SIPA1L2: variants seen among roughly 807,000 people sequenced by gnomAD.
SIPA1L2 encodes signal induced proliferation associated 1 like 2, also known as signal-induced proliferation-associated 1-like protein 2.
In SIPA1L2, 56 loss-of-function variants were observed where a neutral mutation model predicts 163.9. The observed-to-expected ratio is 0.34, with a 90% CI of 0.28 to 0.43. SIPA1L2 has a LOEUF of 0.43. Among genes scored for constraint, SIPA1L2 ranks in the 20% least tolerant of loss-of-function variants. The probability of loss-of-function intolerance (pLI) is 1.00; values close to 1 mark genes in which losing one functional copy is unlikely to be tolerated. For missense variants in SIPA1L2, 1,974 were observed against 2,193.5 expected, an observed-to-expected ratio of 0.90 and a Z score of 2.00; for synonymous variants, 877 against 865.7, an observed-to-expected ratio of 1.01 and a Z score of -0.23.
intron 19 of SIPA1L2, 122 bp from the exon 20 acceptor site, chr1:232,404,300 C>T (rs1660520013): frequency 2.6e-6 from 2 of 754,876 alleles, no homozygotes; most frequent in Non-Finnish European, 4.5e-6. Flanking sequence ...AGGGGAAACC[C>T]TTGAGAGCCA....
chr1:232,630,120 C>T lies in SIPA1L2; in HGVS notation c.-570G>A, dbSNP rs1245449365. On this transcript the variant is annotated 5_prime_UTR_variant, in exon 1 of 23. Coordinates refer to ENST00000674635, the MANE Select transcript of SIPA1L2 (RefSeq NM_020808.5). ...CTCCTCTCGCTCCGCCAGCTCCTCCCGGGCTCCCAGTCTGCCGCGCCGGCT... is the reference window on the plus strand; with the variant it reads ...CTCCTCTCGCTCCGCCAGCTCCTCCTGGGCTCCCAGTCTGCCGCGCCGGCT... 6.6e-6 allele frequency among the ~76,000 whole-genome samples: 1 copy of T among 151,280 alleles called. No homozygotes were observed. The highest frequency in any genetic ancestry group is 1.5e-5 in the Non-Finnish European group (1 of 67,706).
rs560257968 is a variant in SIPA1L2 at position 232,454,961 on chromosome 1, G to A, written c.3095+5926C>T. The stretch of plus-strand genomic sequence containing the variant: ...AAGTCAGATTACATCTGTCCCATCC[G>A]TTTTAACAGCCCCAGTGCTCAGCAC... On this transcript the variant is annotated intron_variant, in intron 10 of 22. Coordinates refer to ENST00000674635, the MANE Select transcript of SIPA1L2 (RefSeq NM_020808.5). Among the ~76,000 whole-genome samples, 4 of 152,322 alleles carry A rather than the reference G, an allele frequency of 2.6e-5. No homozygotes were observed. In the South Asian group the frequency reaches 8.3e-4, roughly 32 times the overall value.
chr1:232,476,409 G>A (rs1665050137), intron 7 of SIPA1L2, among the ~76,000 whole-genome samples: 1 of 152,182 alleles, frequency 6.6e-6, no homozygotes, highest in African/African-American at 2.4e-5. Flanking sequence ...TGTGTGCCAG[G>A]CACTGAGGCA....
intron 3 of SIPA1L2, among the ~76,000 whole-genome samples, chr1:232,513,327 A>G (rs760779296): frequency 2.0e-5 from 3 of 152,260 alleles, no homozygotes; most frequent in Non-Finnish European, 2.9e-5. Context: ...AAGCCCATCT[A>G]TAGAACTACA....
chr1:232,469,052 G>T (rs1413278310), intron 8 of SIPA1L2, among the ~76,000 whole-genome samples: 1 of 152,126 alleles, frequency 6.6e-6, no homozygotes, highest in Non-Finnish European at 1.5e-5. Context: ...GTGGGAGTGT[G>T]GTCTTCTGCT....
At chr1:232,572,415 A>G (rs893473656) in intron 2 of SIPA1L2, among the ~76,000 whole-genome samples, 2 of 152,074 alleles carry the variant, frequency 1.3e-5, no homozygotes, top group Non-Finnish European at 2.9e-5. Flanking sequence ...ACTCAGTCTC[A>G]ACGGTTTTCA....
intron 9 of SIPA1L2, chr1:232,462,554 G>A: frequency 2.7e-6 from 1 of 365,906 alleles, no homozygotes; most frequent in Non-Finnish European, 4.9e-6. Flanking sequence ...TGCGGAAAGG[G>A]GACTGCTGGT....
intron 19 of SIPA1L2, among the ~76,000 whole-genome samples, chr1:232,414,656 T>A (rs984084681): frequency 1.3e-5 from 2 of 152,140 alleles, no homozygotes; most frequent in Admixed American, 1.3e-4. Context: ...CAGCCCCTAC[T>A]AAAATGATCC....
intron 2 of SIPA1L2, among the ~76,000 whole-genome samples, chr1:232,518,460 C>T (rs548528925): frequency 1.6e-4 from 24 of 152,288 alleles, no homozygotes; most frequent in African/African-American, 5.1e-4. Flanking sequence ...TGAGATTTTG[C>T]TCTACTGTAG....
chr1:232,503,376 C>T (rs1205711973), intron 3 of SIPA1L2, among the ~76,000 whole-genome samples: 2 of 152,134 alleles, frequency 1.3e-5, no homozygotes, highest in Non-Finnish European at 1.5e-5. Context: ...TACATTGGAC[C>T]CTAGCCCAAA....
chr1:232,616,787 A>G (rs1662523242), intron 1 of SIPA1L2, among the ~76,000 whole-genome samples: 1 of 152,232 alleles, frequency 6.6e-6, no homozygotes, highest in South Asian at 2.1e-4. Flanking sequence ...AACCCGGTAC[A>G]GCTGATGAAA....
rs1156756054 is a variant in SIPA1L2, at chr1:232,402,521, C to T, written c.4941-48G>A. On this transcript the variant is annotated intron_variant, in intron 21 of 22. Coordinates refer to ENST00000674635, the MANE Select transcript of SIPA1L2 (RefSeq NM_020808.5). ...GAAAGATTCAAGAGAGTCAATCGAG[C>T]ATTTTTGTTGGTCAAGTTTTCACTC... The T allele has an allele frequency of 3.9e-6, 6 of 1,551,122 alleles. No homozygotes were observed. The East Asian group carries it at 1.4e-4, about 35-fold the overall frequency.
intron 1 of SIPA1L2, among the ~76,000 whole-genome samples, chr1:232,587,685 G>A (rs1660743176): frequency 6.6e-6 from 1 of 152,166 alleles, no homozygotes; most frequent in African/African-American, 2.4e-5. Context: ...CTCACTTATT[G>A]TCCTTGATGG....
At chr1:232,418,193 C>T (rs1326444121) in intron 18 of SIPA1L2, among the ~76,000 whole-genome samples, 2 of 152,058 alleles carry the variant, frequency 1.3e-5, no homozygotes, top group Admixed American at 6.6e-5. Context: ...CCTTACTTGG[C>T]GATAACAGGA....
intron 1 of SIPA1L2, among the ~76,000 whole-genome samples, chr1:232,618,650 T>A (rs1662632463): frequency 9.1e-6 from 1 of 109,640 alleles, no homozygotes; most frequent in South Asian, 3.1e-4. Flanking sequence ...TGAGACTCCA[T>A]CTCAAAAAAA....
chr1:232,623,416 T>C (rs1019049110), intron 1 of SIPA1L2, among the ~76,000 whole-genome samples: 3 of 151,968 alleles, frequency 2.0e-5, no homozygotes, highest in Non-Finnish European at 4.4e-5. Flanking sequence ...CCATCCTGGC[T>C]AACATGGTGA....
intron 1 of SIPA1L2, among the ~76,000 whole-genome samples, chr1:232,624,907 A>T (rs1662996184): frequency 6.6e-6 from 1 of 152,264 alleles, no homozygotes; most frequent in Non-Finnish European, 1.5e-5. Context: ...AGCTGAAGAA[A>T]GTCCAACAAT....
chr1:232,460,411 T>C (rs1406243541), intron 10 of SIPA1L2, among the ~76,000 whole-genome samples: 1 of 152,144 alleles, frequency 6.6e-6, no homozygotes, highest in African/African-American at 2.4e-5. Context: ...CCACAGAGAG[T>C]ACCTGTGCTG....
intron 10 of SIPA1L2, among the ~76,000 whole-genome samples, chr1:232,451,343 G>T (rs998118261): frequency 6.6e-6 from 1 of 152,120 alleles, no homozygotes; most frequent in Non-Finnish European, 1.5e-5. Flanking sequence ...CCCTTGGCAC[G>T]CATCCTCTCT....
Sources: allele counts gnomAD v4.1 joint callset (sites outside exome capture counted in the v4.1 genomes callset), GRCh38; gene constraint gnomAD v4.1.1; transcripts MANE v1.5; gene names NCBI Gene and HGNC (gene_info 2026-07-23, HGNC 2026-07-21).